Variants in GAL3ST1 observed in about 807,000 individuals in gnomAD.
GAL3ST1 encodes galactose-3-O-sulfotransferase 1, also known as galactosylceramide sulfotransferase.
In GAL3ST1, 13 loss-of-function variants were observed where a neutral mutation model predicts 25.0. The observed-to-expected ratio is 0.52, with a 90% CI of 0.34 to 0.83. GAL3ST1 has a LOEUF of 0.83. Among genes scored for constraint, GAL3ST1 ranks in the 40% least tolerant of loss-of-function variants. The probability of loss-of-function intolerance (pLI) is 0.02; values close to 1 mark genes in which losing one functional copy is unlikely to be tolerated. For synonymous variants in GAL3ST1, 274 were observed against 277.8 expected, an observed-to-expected ratio of 0.99 and a Z score of 0.14; for missense variants, 474 against 613.6, an observed-to-expected ratio of 0.77 and a Z score of 2.40.
intron 1 of GAL3ST1, among the ~76,000 whole-genome samples, chr22:30,568,838 G>A (rs973069178): frequency 8.5e-5 from 13 of 152,076 alleles, no homozygotes; most frequent in Non-Finnish European, 1.8e-4. Flanking sequence ...CACTTTGGGA[G>A]GCTAAGGCGG....
chr22:30,556,374 T>C (rs1444823394), intron 3 of GAL3ST1, among the ~76,000 whole-genome samples: 2 of 152,182 alleles, frequency 1.3e-5, no homozygotes, highest in African/African-American at 2.4e-5. Context: ...GTGTTGCATG[T>C]ACCATGAATC....
chr22:30,555,988 C>T lies in GAL3ST1; in HGVS notation c.237G>A (p.Val79=). ...TGGCCGTCTTGTGCGTCTTCAAGAA[C>T]ACGATGTTGCGCCGCGGCTGGCACT... ...AGECQPRRNI[V]FLKTHKTASS... Residue 79 remains valine (V), a synonymous_variant, in exon 4 of 4, where the codon GTG becomes GTA. Coordinates refer to ENST00000406361, the MANE Select transcript of GAL3ST1 (RefSeq NM_001318104.2). This position sits in a 1 kb window ranked among gnomAD's most constrained non-coding sequence, Gnocchi z 8.6. The T allele has an allele frequency of 6.2e-7, 1 of 1,613,348 alleles. No individual in the cohort carries two copies.
intron 3 of GAL3ST1, among the ~76,000 whole-genome samples, chr22:30,556,588 C>T (rs1435221759): frequency 6.6e-6 from 1 of 152,150 alleles, no homozygotes; most frequent in Non-Finnish European, 1.5e-5. Context: ...TGGAGTCAGA[C>T]CGACCCGTTT....
At chr22:30,557,175 AG>A in intron 3 of GAL3ST1, 86 bp downstream of exon 3, 1 of 1,366,390 alleles carries the variant, frequency 7.3e-7, no homozygotes. Context: ...TCACTGGGGC[AG>A]GCCCTGTGGT....
At chr22:30,572,133 G>C in intron 1 of GAL3ST1, among the ~76,000 whole-genome samples, 1 of 152,188 alleles carries the variant, frequency 6.6e-6, no homozygotes, top group African/African-American at 2.4e-5. Flanking sequence ...CAAGAAGTCA[G>C]TCACTTTGTC....
chr22:30,560,095 G>A (rs1055705278), intron 1 of GAL3ST1, among the ~76,000 whole-genome samples: 2 of 152,150 alleles, frequency 1.3e-5, no homozygotes, highest in African/African-American at 4.8e-5. Flanking sequence ...GTGAGCCAAG[G>A]TCGCACCACT....
intron 1 of GAL3ST1, among the ~76,000 whole-genome samples, chr22:30,569,000 T>C (rs1453973682): frequency 6.9e-6 from 1 of 144,174 alleles, no homozygotes; most frequent in East Asian, 2.1e-4. Context: ...CGCTTGAACC[T>C]GGGAGGCAGA....
At chr22:30,574,233 G>A (rs2086845879) in intron 1 of GAL3ST1, among the ~76,000 whole-genome samples, 1 of 151,582 alleles carries the variant, frequency 6.6e-6, no homozygotes, top group African/African-American at 2.4e-5. Flanking sequence ...GGGGACAGGG[G>A]AAAAAACCAA....
intron 1 of GAL3ST1, among the ~76,000 whole-genome samples, chr22:30,558,657 G>A (rs2086190711): frequency 6.6e-6 from 1 of 152,174 alleles, no homozygotes; most frequent in Non-Finnish European, 1.5e-5. Context: ...AGTCTGTAGG[G>A]TGGCTGATGG....
intron 1 of GAL3ST1, among the ~76,000 whole-genome samples, chr22:30,573,235 C>T (rs1244791727): frequency 6.6e-6 from 1 of 152,050 alleles, no homozygotes; most frequent in Non-Finnish European, 1.5e-5. Flanking sequence ...CCAGGCAGAT[C>T]CAAGAAGGCA....
chr22:30,565,476 A>T (rs1032612276), intron 1 of GAL3ST1, among the ~76,000 whole-genome samples: 5 of 152,172 alleles, frequency 3.3e-5, no homozygotes, highest in African/African-American at 1.2e-4. Context: ...TTTATCTAAA[A>T]TCTGTGGGAA....
At chr22:30,566,900 C>T (rs1406594271) in intron 1 of GAL3ST1, among the ~76,000 whole-genome samples, 1 of 152,120 alleles carries the variant, frequency 6.6e-6, no homozygotes, top group Non-Finnish European at 1.5e-5. Context: ...TGAGCCACCA[C>T]GCCCAGCCGA....
Position 30,555,244 on chromosome 22 carries a change from C to T in GAL3ST1, c.981G>A (p.Met327Ile), listed in dbSNP as rs1269038687. ...GGCGCAGGGCGGCCACCTCGCGGGC[C>T]ATGCGCTCCCGCCCGAAGGCCTCCA... The part of the protein sequence containing the change: ...RKVEAFGRER[M>I]AREVAALRHA... The change falls in exon 4 of 4, where the codon ATG becomes ATA. Residue 327 changes from methionine to isoleucine, a missense_variant. Met to Ile is a conservative substitution (Grantham distance 10, BLOSUM62 1). This residue lies in a region of GAL3ST1 where 359 missense variants were observed against 504.4 expected (regional missense o/e 0.71). Transcript: ENST00000406361. The surrounding 1 kb of genome is among the most constrained non-coding windows in gnomAD (Gnocchi z 8.6). The T allele has an allele frequency of 2.5e-6, 4 of 1,599,128 alleles. No homozygotes were observed. Among genetic ancestry groups the T allele is most frequent in the Admixed American group, 3.4e-5 (2 of 59,424 alleles).
rs2267161 is a variant in GAL3ST1, at chr22:30,557,308, C to A, written c.85G>T (p.Val29Leu). 3 of 1,613,930 alleles carry A rather than the reference C, an allele frequency of 1.9e-6. No homozygotes were observed. The highest frequency in any genetic ancestry group is 2.7e-5 in the African/African-American group (2 of 74,900). Residue 29 changes from valine to leucine, a missense_variant, in exon 3 of 4, where the codon GTG (valine) becomes TTG (leucine). Transcript: ENST00000406361. ...AGCGGGGGCACGGCATAGGAGTACA[C>A]CAGCAGCAGGAAACTAGTGAAGAGC... is the stretch of plus-strand genomic sequence containing the variant. ...GALFTSFLLL[V>L]YSYAVPPLHA...
intron 3 of GAL3ST1, among the ~76,000 whole-genome samples, chr22:30,556,975 T>C (rs1017790279): frequency 1.3e-5 from 2 of 152,230 alleles, no homozygotes; most frequent in Non-Finnish European, 2.9e-5. Context: ...CCTCAGACGA[T>C]CTGCCCGCCT....
chr22:30,555,522 C>T lies in GAL3ST1; in HGVS notation c.703G>A (p.Val235Met). 6.2e-7 allele frequency: 1 copy of T among 1,613,678 alleles called. No homozygotes were observed. The highest frequency in any genetic ancestry group is 8.5e-7 in the Non-Finnish European group (1 of 1,179,962). Residue 235 changes from valine to methionine, a missense_variant, in exon 4 of 4, where the codon GTG (valine) becomes ATG (methionine). Physicochemically the swap from Val to Met is conservative, Grantham distance 21. Coordinates refer to ENST00000406361, the MANE Select transcript of GAL3ST1 (RefSeq NM_001318104.2). This position sits in a 1 kb window ranked among gnomAD's most constrained non-coding sequence, Gnocchi z 8.6. ...TCCACCTCCAGGATGTGCTCCTGCA[C>T]CTGCGGGCTGCTGGGGTCCAGGCTG... is the stretch of plus-strand genomic sequence containing the variant. Reference protein sequence around the residue: ...DNSLDPSSPQVQEHILEVERR... With the variant: ...DNSLDPSSPQMQEHILEVERR...
rs762616205 is a variant in GAL3ST1, at chr22:30,554,944, G to A, written c.*9C>T. The A allele has an allele frequency of 2.6e-6, 4 of 1,548,892 alleles. No homozygotes were observed. Among genetic ancestry groups the A allele is most frequent in the South Asian group, 2.4e-5 (2 of 82,032 alleles). On this transcript the variant is annotated 3_prime_UTR_variant, in exon 4 of 4. Coordinates refer to ENST00000406361, the MANE Select transcript of GAL3ST1 (RefSeq NM_001318104.2). ...CGAGCAGGCAGGCAAGCCGCTGGGC[G>A]GTGGGACGTCACCACCGCAGGAAAT...
chr22:30,573,547 G>A (rs981519319), intron 1 of GAL3ST1, among the ~76,000 whole-genome samples: 4 of 152,316 alleles, frequency 2.6e-5, no homozygotes, highest in South Asian at 2.1e-4. Flanking sequence ...AGGTCACCCC[G>A]TCAGTAAAGG....
intron 2 of GAL3ST1, 39 bp from the exon 3 acceptor site, chr22:30,557,440 C>A: frequency 6.2e-7 from 1 of 1,610,682 alleles, no homozygotes; most frequent in Non-Finnish European, 8.5e-7. Context: ...TGTCAGGAAG[C>A]TGGCCCCAGG....
Sources: gnomAD v4.1 joint callset for allele counts (sites outside exome capture counted in the v4.1 genomes callset) on GRCh38, gnomAD v4.1.1 for gene constraint, gnomAD v4.1.1 regional missense constraint, Gnocchi (gnomAD v3.1) non-coding constraint, MANE v1.5 for transcripts, NCBI Gene and HGNC (gene_info 2026-07-23, HGNC 2026-07-21) for gene names.